The following ATP6V1B2 variants were observed in gnomAD, a reference collection of about 807,000 sequenced individuals.
ATP6V1B2 encodes V-type proton ATPase subunit B, brain isoform.
ATP6V1B2 carries 23 observed loss-of-function variants against 66.7 expected under a neutral mutation model. That is an observed-to-expected ratio of 0.34 (90% CI 0.25 to 0.49). The LOEUF (loss-of-function observed/expected upper bound fraction) is 0.49, where lower values mean the gene tolerates loss of function less well. Among genes scored for constraint, ATP6V1B2 ranks in the 20% least tolerant of loss-of-function variants. ATP6V1B2 has a pLI of 0.99. For missense variants in ATP6V1B2, 478 were observed against 650.8 expected (o/e 0.73, Z 2.89); for synonymous variants, 278 against 236.7 (o/e 1.17, Z -1.60).
At chr8:20,211,868 C>A in intron 7 of ATP6V1B2, 115 bp downstream of exon 7, 1 of 963,728 alleles carries the variant, frequency 1.0e-6, no homozygotes, top group Non-Finnish European at 1.5e-6. Flanking sequence ...AATTTGCAAT[C>A]TGGCATTTTG....
chr8:20,203,603 T>A (rs1015121242), intron 1 of ATP6V1B2, among the ~76,000 whole-genome samples: 5 of 152,026 alleles, frequency 3.3e-5, no homozygotes, highest in Non-Finnish European at 5.9e-5. Context: ...AGTTCATGTA[T>A]TTTTTTTCAG....
At chr8:20,208,619 A>C (rs1156676400) in intron 2 of ATP6V1B2, among the ~76,000 whole-genome samples, 1 of 152,156 alleles carries the variant, frequency 6.6e-6, no homozygotes, top group Non-Finnish European at 1.5e-5. Context: ...AAAATGGATT[A>C]GAGGAATATA....
At position 20,209,324 on chromosome 8, in the gene ATP6V1B2, G is replaced by A; in HGVS notation, c.193-109G>A. ...CTCAGCAAAAACCTGTGTCTGTGAA[G>A]AGTAGAGGGTTCCATATTCAGACAC... On this transcript the variant is annotated intron_variant, in intron 2 of 13. Coordinates refer to ENST00000276390, the MANE Select transcript of ATP6V1B2 (RefSeq NM_001693.4). The A allele has an allele frequency of 8.4e-6, 9 of 1,069,840 alleles. No homozygotes were observed. The South Asian group carries it at 1.3e-4, about 15-fold the overall frequency. 66.3% of individuals were successfully genotyped at this position (1,069,840 alleles called of 1,614,324 possible). A position where few individuals can be genotyped will look rare whatever the true frequency, so the allele number is the denominator to read the frequency against.
chr8:20,220,279 C>T lies in ATP6V1B2; in HGVS notation c.1413C>T (p.Arg471=). Reference sequence around the variant, plus strand: ...TTTTTTAAGGTCCTTACGAAAATCGCACTGTCTTTGAGACTTTGGACATTG... The same window carrying T: ...TTTTTTAAGGTCCTTACGAAAATCGTACTGTCTTTGAGACTTTGGACATTG... ...NFIAQGPYEN[R]TVFETLDIGW... Residue 471 remains arginine, a synonymous_variant, in exon 14 of 14, where the codon CGC becomes CGT. Transcript: ENST00000276390. The T allele has an allele frequency of 6.3e-7, 1 of 1,597,388 alleles. No homozygotes were observed. The highest frequency in any genetic ancestry group is 8.5e-7 in the Non-Finnish European group (1 of 1,175,708).
intron 5 of ATP6V1B2, 36 bp downstream of exon 5, chr8:20,210,682 A>G: frequency 6.4e-7 from 1 of 1,571,190 alleles, no homozygotes; most frequent in Non-Finnish European, 8.8e-7. Context: ...GTTTGGGAGA[A>G]AATAACCTCA....
intron 9 of ATP6V1B2, chr8:20,213,190 G>C (rs962551210): frequency 7.4e-5 from 26 of 351,656 alleles, no homozygotes; most frequent in Admixed American, 1.5e-4. Context: ...TGTTTATTCA[G>C]TTACTCTCTC....
At chr8:20,215,150 A>G (rs1193328002) in intron 10 of ATP6V1B2, 182 bp downstream of exon 10, 13 of 677,036 alleles carry the variant, frequency 1.9e-5, no homozygotes, top group Non-Finnish European at 2.9e-5. Context: ...ATTGTGGAGG[A>G]AAAGCAATTT....
intron 6 of ATP6V1B2, 87 bp from the exon 7 acceptor site, chr8:20,211,565 C>T (rs745577462): frequency 5.6e-5 from 79 of 1,420,254 alleles, no homozygotes; most frequent in Non-Finnish European, 7.0e-5. Context: ...TTTATGATTA[C>T]GATTCCAAAA....
rs2072907803 is a variant in ATP6V1B2 at position 20,221,657 on chromosome 8, A to G, written c.*1255A>G. On this transcript the variant is annotated 3_prime_UTR_variant, in exon 14 of 14. Transcript: ENST00000276390. ...TTAATGTAGAAAATGTGACATCTGGATATAAAATGAAAATAAATGTTAAAT... is the reference window on the plus strand; with the variant it reads ...TTAATGTAGAAAATGTGACATCTGGGTATAAAATGAAAATAAATGTTAAAT... The G allele has an allele frequency of 6.6e-6, 1 of 152,632 alleles. No individual in the cohort carries two copies. The highest frequency in any genetic ancestry group is 6.5e-5 in the Admixed American group (1 of 15,288). 9.5% of individuals were successfully genotyped at this position (152,632 alleles called of 1,614,324 possible).
Position 20,211,685 on chromosome 8 carries a change from G to T in ATP6V1B2, c.637G>T (p.Val213Leu). The part of the protein sequence containing the change: ...AAQICRQAGL[V>L]KKSKDVVDYS... ...TCAGATCTGTCGCCAGGCTGGTTTG[G>T]TAAAGAAATCCAAAGATGTAGTAGA... Residue 213 changes from valine (V) to leucine (L), a missense_variant, in exon 7 of 14, where the codon GTA becomes TTA. By Grantham distance (32) the Val-to-Leu change is conservative. Coordinates refer to ENST00000276390, the MANE Select transcript of ATP6V1B2 (RefSeq NM_001693.4). The T allele has an allele frequency of 6.2e-7, 1 of 1,612,802 alleles. No homozygotes were observed. Among genetic ancestry groups the T allele is most frequent in the Non-Finnish European group, 8.5e-7 (1 of 1,179,606 alleles).
chr8:20,208,245 G>T (rs2072757753), intron 2 of ATP6V1B2, among the ~76,000 whole-genome samples: 1 of 152,156 alleles, frequency 6.6e-6, no homozygotes, highest in African/African-American at 2.4e-5. Context: ...TAACATTTCT[G>T]TGCTAGTGTA....
intron 13 of ATP6V1B2, among the ~76,000 whole-genome samples, chr8:20,220,046 T>A (rs2072892850): frequency 6.6e-6 from 1 of 152,158 alleles, no homozygotes; most frequent in Non-Finnish European, 1.5e-5. Flanking sequence ...CTGCTCCCTG[T>A]CTCAGCCCAG....
chr8:20,202,615 G>C lies in ATP6V1B2; in HGVS notation c.137-1869G>C, dbSNP rs147216321. 2.1e-3 allele frequency among the ~76,000 whole-genome samples: 320 copies of C among 152,196 alleles called. 3 individuals carry two copies. The highest frequency in any genetic ancestry group is 7.2e-3 in the African/African-American group (297 of 41,516). On this transcript the variant is annotated intron_variant, in intron 1 of 13. Transcript: ENST00000276390. ...CTATGACTAGTGTTTCTTTTTCTTG[G>C]TCATACTTTTGCTCGTGACTGGCAA...
At position 20,197,416 on chromosome 8, in the gene ATP6V1B2, C is replaced by T. The variant is rs766209498; in HGVS notation, c.10C>T (p.Arg4Trp). 21 of 1,541,750 alleles carry T rather than the reference C, an allele frequency of 1.4e-5. No individual in the cohort carries two copies. Among genetic ancestry groups the T allele is most frequent in the African/African-American group, 1.4e-5 (1 of 70,230 alleles). MAL[R>W]AMRGIVNGAA... ...GGACAGAGGAGACAAGATGGCGCTGCGGGCGATGCGGGGGATTGTCAACGG... is the reference window on the plus strand; with the variant it reads ...GGACAGAGGAGACAAGATGGCGCTGTGGGCGATGCGGGGGATTGTCAACGG... Residue 4 changes from arginine to tryptophan, a missense_variant, in exon 1 of 14, where the codon CGG (arginine) becomes TGG (tryptophan). By Grantham distance (101) the Arg-to-Trp change is moderately radical. Coordinates refer to ENST00000276390, the MANE Select transcript of ATP6V1B2 (RefSeq NM_001693.4).
At chr8:20,201,589 G>A (rs765476298) in intron 1 of ATP6V1B2, among the ~76,000 whole-genome samples, 6 of 152,078 alleles carry the variant, frequency 3.9e-5, no homozygotes, top group Non-Finnish European at 7.4e-5. Flanking sequence ...TGAAGACTAA[G>A]GCCAGAAATA....
chr8:20,213,054 ACTT>A, intron 9 of ATP6V1B2, 149 bp downstream of exon 9: 1 of 1,132,302 alleles, frequency 8.8e-7, no homozygotes, highest in Non-Finnish European at 1.2e-6. Context: ...AAAGGAAACT[ACTT>A]CGTTTTTGTC....
Position 20,209,435 on chromosome 8 carries a change from T to C in ATP6V1B2, c.195T>C (p.Phe65=), listed in dbSNP as rs2072771468. The C allele has an allele frequency of 6.2e-7, 1 of 1,613,872 alleles. No individual in the cohort carries two copies. The highest frequency in any genetic ancestry group is 2.2e-5 in the East Asian group (1 of 44,862). The change falls in exon 3 of 14, where the codon TTT becomes TTC. Residue 65 remains phenylalanine (F), a splice_region_variant and synonymous_variant. Coordinates refer to ENST00000276390, the MANE Select transcript of ATP6V1B2 (RefSeq NM_001693.4). ...GPLVILDHVK[F]PRYAEIVHLT... Reference sequence around the variant, plus strand: ...ATCCTTTATTTTTTTCTCTTTAGTTTCCCAGGTATGCTGAAATTGTCCATT... The same window carrying C: ...ATCCTTTATTTTTTTCTCTTTAGTTCCCCAGGTATGCTGAAATTGTCCATT...
In ATP6V1B2 at chr8:20,217,336, C is replaced by G; in HGVS notation, c.1266+12C>G. 6.3e-7 allele frequency: 1 copy of G among 1,589,842 alleles called. No individual in the cohort carries two copies. The highest frequency in any genetic ancestry group is 1.1e-5 in the South Asian group (1 of 90,572). On this transcript the variant is annotated intron_variant, in intron 12 of 13. Coordinates refer to ENST00000276390, the MANE Select transcript of ATP6V1B2 (RefSeq NM_001693.4). ...TATCTAACCAGCTAGTATGTACATT[C>G]TTCTAAGAATGGTGTTTGAAAATAT...
intron 2 of ATP6V1B2, among the ~76,000 whole-genome samples, chr8:20,206,531 T>A (rs1193864936): frequency 2.0e-5 from 3 of 152,206 alleles, no homozygotes; most frequent in African/African-American, 7.2e-5. Flanking sequence ...ATATTAATAT[T>A]ACCACTACTG....
Sources: gnomAD v4.1 joint callset for allele counts (sites outside exome capture counted in the v4.1 genomes callset) on GRCh38, gnomAD v4.1.1 for gene constraint, MANE v1.5 for transcripts, NCBI Gene and HGNC (gene_info 2026-07-23, HGNC 2026-07-21) for gene names.